Variants in HMGN3 observed in about 807,000 individuals in gnomAD.
The protein encoded by HMGN3 is high mobility group nucleosome-binding domain-containing protein 3.
In HMGN3, 6 loss-of-function variants were observed where a neutral mutation model predicts 18.8. That is an observed-to-expected ratio of 0.32 (90% confidence interval 0.18 to 0.63). The LOEUF (loss-of-function observed/expected upper bound fraction) is 0.63. Among genes scored for constraint, HMGN3 ranks in the 30% least tolerant of loss-of-function variants. The pLI is 0.79. For missense variants in HMGN3, 107 were observed against 114.2 expected (o/e 0.94, Z 0.29); for synonymous variants, 40 against 36.5 (o/e 1.10, Z -0.35).
intron 1 of HMGN3, among the ~76,000 whole-genome samples, chr6:79,224,036 A>G (rs1193794154): frequency 6.6e-6 from 1 of 152,232 alleles, no homozygotes; most frequent in African/African-American, 2.4e-5. Context: ...GAAGATGTGT[A>G]CTGCAATTAT....
At chr6:79,232,028 A>G (rs1168469675) in intron 1 of HMGN3, among the ~76,000 whole-genome samples, 1 of 152,202 alleles carries the variant, frequency 6.6e-6, no homozygotes, top group Non-Finnish European at 1.5e-5. Context: ...TCATTAAATA[A>G]CATTTCTTGA....
chr6:79,217,754 A>G (rs1014338907), intron 1 of HMGN3, among the ~76,000 whole-genome samples: 7 of 152,342 alleles, frequency 4.6e-5, no homozygotes, highest in African/African-American at 1.7e-4. Flanking sequence ...GAAGGAAGAG[A>G]GCATGGTTTT....
At chr6:79,208,998 G>A (rs1207210749) in intron 2 of HMGN3, among the ~76,000 whole-genome samples, 1 of 152,158 alleles carries the variant, frequency 6.6e-6, no homozygotes, top group Admixed American at 6.5e-5. Context: ...AATACAAGAA[G>A]AGACTTATGC....
rs112020453 is a variant in HMGN3 at position 79,222,023 on chromosome 6, C to T, written c.16-7001G>A. 3.3e-3 allele frequency among the ~76,000 whole-genome samples: 500 copies of T among 150,914 alleles called. 6 individuals carry two copies. The highest frequency in any genetic ancestry group is 0.011 in the African/African-American group (470 of 41,304). On this transcript the variant is annotated intron_variant, in intron 1 of 5. Coordinates refer to ENST00000344726, the Ensembl canonical transcript of HMGN3. ...TTAAGTGACAAAGGCTATTGTTTTA[C>T]GACTTCAGCGAATTAGCTGAAGGCC...
In HMGN3 at chr6:79,208,418, C is replaced by A. The variant is rs1776522222; in HGVS notation, c.96+129G>T. 7.5e-6 allele frequency: 6 copies of A among 802,714 alleles called. No individual in the cohort carries two copies. The Admixed American group carries it at 9.9e-5, about 13-fold the overall frequency. The allele number at this position is 802,714 out of a possible 1,614,324, so 49.7% of individuals were successfully genotyped here. A position where few individuals can be genotyped will look rare whatever the true frequency, so the allele number is the denominator to read the frequency against. Reference sequence around the variant, plus strand: ...GGTCAAATTTGCTAGACATGAGGACCCTAGGTAATTTTCAAAAAGAAAATA... The same window carrying A: ...GGTCAAATTTGCTAGACATGAGGACACTAGGTAATTTTCAAAAAGAAAATA... On this transcript the variant is annotated intron_variant, in intron 3 of 5. Transcript: ENST00000344726.
intron 1 of HMGN3, among the ~76,000 whole-genome samples, chr6:79,231,898 A>G (rs1038414034): frequency 6.6e-6 from 1 of 152,192 alleles, no homozygotes; most frequent in Admixed American, 6.5e-5. Context: ...ATTAAACACA[A>G]GTTCCAAGAG....
At chr6:79,213,196 T>C (rs1342425337) in intron 2 of HMGN3, among the ~76,000 whole-genome samples, 1 of 151,916 alleles carries the variant, frequency 6.6e-6, no homozygotes, top group Non-Finnish European at 1.5e-5. Flanking sequence ...GCTATGATCT[T>C]GCCACCTCAC....
chr6:79,211,467 T>G (rs77660551), intron 2 of HMGN3, among the ~76,000 whole-genome samples: 74 of 554 alleles, frequency 0.13, no homozygotes, highest in Admixed American at 0.28. Flanking sequence ...TTTCTCTTGT[T>G]TTTTTTTTTT....
In HMGN3 at chr6:79,206,848, G is replaced by A. The variant is rs1028642981; in HGVS notation, c.96+1699C>T. On this transcript the variant is annotated intron_variant, in intron 3 of 5. Transcript: ENST00000344726. ...CTGTATCCTGAAAAGCCACAGGGGC[G>A]GAGTTACCCAAGACCATGGAAACCC... Among the ~76,000 whole-genome samples, 10 of 152,340 alleles carry A rather than the reference G, an allele frequency of 6.6e-5. No individual in the cohort carries two copies. In the East Asian group the frequency reaches 9.7e-4, roughly 15 times the overall value.
intron 2 of HMGN3, among the ~76,000 whole-genome samples, chr6:79,213,232 A>T (rs1419585609): frequency 6.6e-6 from 1 of 151,866 alleles, no homozygotes; most frequent in Non-Finnish European, 1.5e-5. Context: ...TGACAGAGTG[A>T]GATGCTATCT....
chr6:79,202,334 T>C (rs1487770679), exon 5 of HMGN3: 6 of 1,614,228 alleles, frequency 3.7e-6, no homozygotes, highest in Non-Finnish European at 5.1e-6. Context: ...TCCAGCTTCC[T>C]GCTTTTCCTC....
intron 3 of HMGN3, among the ~76,000 whole-genome samples, chr6:79,204,337 A>T (rs1776295754): frequency 6.6e-6 from 1 of 152,180 alleles, no homozygotes; most frequent in Admixed American, 6.5e-5. Context: ...CCCCTAGGAA[A>T]CTATTTTTCT....
intron 2 of HMGN3, 151 bp from the exon 3 acceptor site, chr6:79,208,727 T>C (rs1776541204): frequency 1.4e-6 from 1 of 712,184 alleles, no homozygotes; most frequent in Non-Finnish European, 2.5e-6. Flanking sequence ...CAGTGAAACA[T>C]ATCCCAAGTC....
At chr6:79,234,146 T>A (rs1778019139) in intron 1 of HMGN3, 1 of 174,552 alleles carries the variant, frequency 5.7e-6, no homozygotes, top group Non-Finnish European at 1.2e-5. Flanking sequence ...TTTTCTTCCC[T>A]CTCCTTACGC....
chr6:79,227,270 C>T (rs1414281), intron 1 of HMGN3, among the ~76,000 whole-genome samples: 126,117 of 152,146 alleles, frequency 0.83, 53,447 homozygotes, highest in East Asian at 1. Flanking sequence ...TTTTTTTTTC[C>T]ATTAGAAAAA....
chr6:79,220,310 AAGAAT>A (rs1180700032), intron 1 of HMGN3, among the ~76,000 whole-genome samples: 2 of 152,234 alleles, frequency 1.3e-5, no homozygotes, highest in Admixed American at 1.3e-4. Context: ...AAGGAAAACA[AAGAAT>A]AGAAAACATA....
intron 1 of HMGN3, among the ~76,000 whole-genome samples, chr6:79,230,529 A>T (rs2127842353): frequency 6.6e-6 from 1 of 152,290 alleles, no homozygotes; most frequent in East Asian, 1.9e-4. Context: ...TAGGTTTTTA[A>T]TCTTTTTTTA....
chr6:79,229,337 ACT>A (rs1251621646), intron 1 of HMGN3, among the ~76,000 whole-genome samples: 1 of 152,204 alleles, frequency 6.6e-6, no homozygotes, highest in East Asian at 1.9e-4. Context: ...CTTATAAAGA[ACT>A]CTTTCAATAA....
intron 1 of HMGN3, among the ~76,000 whole-genome samples, chr6:79,231,666 G>A (rs143304389): frequency 1.3e-5 from 2 of 152,252 alleles, no homozygotes; most frequent in East Asian, 3.9e-4. Context: ...GCCTGGTCAT[G>A]TTAAGATACA....
Sources: gnomAD v4.1 joint callset for allele counts (sites outside exome capture counted in the v4.1 genomes callset) on GRCh38, gnomAD v4.1.1 for gene constraint, MANE v1.5 for transcripts, NCBI Gene and HGNC (gene_info 2026-07-23, HGNC 2026-07-21) for gene names.